Variants in ST6GAL1 observed in about 807,000 individuals in gnomAD.
ST6GAL1 encodes the protein ST6 beta-galactoside alpha-2,6-sialyltransferase 1.
ST6GAL1 carries 20 observed loss-of-function variants against 38.0 expected under a neutral mutation model. The ratio of observed to expected loss-of-function variants is 0.53; its 90% CI spans 0.37 to 0.77. The LOEUF (loss-of-function observed/expected upper bound fraction) is 0.77, where lower values mean the gene tolerates loss of function less well. ST6GAL1 is among the 30% of genes least tolerant of loss of function. ST6GAL1 has a pLI of 0.00. For missense variants in ST6GAL1, 432 were observed against 496.4 expected (o/e 0.87, Z 1.23); for synonymous variants, 196 against 188.2 (o/e 1.04, Z -0.34).
At position 187,076,690 on chromosome 3, in the gene ST6GAL1, A is replaced by C. The variant is rs368517219; in HGVS notation, c.*887A>C. 91 of 397,458 alleles carry C rather than the reference A, an allele frequency of 2.3e-4. 1 individual carries two copies. The South Asian group carries it at 0.012, about 54-fold the overall frequency. 24.6% of individuals were successfully genotyped at this position (397,458 alleles called of 1,614,324 possible). A position where few individuals can be genotyped will look rare whatever the true frequency, so the allele number is the denominator to read the frequency against. On this transcript the variant is annotated 3_prime_UTR_variant, in exon 8 of 8. Coordinates refer to ENST00000169298, the MANE Select transcript of ST6GAL1 (RefSeq NM_173216.2). ...TTAGAGGAAGAGAAGAAACATGGCAAGCAGATTACATCTGAGCCGTTTGAA... is the reference window on the plus strand; with the variant it reads ...TTAGAGGAAGAGAAGAAACATGGCACGCAGATTACATCTGAGCCGTTTGAA...
intron 2 of ST6GAL1, among the ~76,000 whole-genome samples, chr3:187,023,315 C>T (rs907412633): frequency 2.6e-5 from 4 of 152,180 alleles, no homozygotes; most frequent in Admixed American, 1.3e-4. Flanking sequence ...TATCTCCTTG[C>T]AAAGCACCAC....
chr3:187,039,487 G>A (rs529265557), intron 3 of ST6GAL1, among the ~76,000 whole-genome samples: 129 of 152,196 alleles, frequency 8.5e-4, no homozygotes, highest in Non-Finnish European at 1.6e-3. Context: ...AAGGGGAGCA[G>A]GGATAGTGCG....
At chr3:187,028,392 G>A (rs1340030499) in intron 2 of ST6GAL1, among the ~76,000 whole-genome samples, 1 of 152,114 alleles carries the variant, frequency 6.6e-6, no homozygotes, top group Admixed American at 6.5e-5. Context: ...CACTGTCTAA[G>A]AAGAAAGGAG....
chr3:186,988,589 T>A (rs1012548654), intron 2 of ST6GAL1, among the ~76,000 whole-genome samples: 1 of 6,288 alleles, frequency 1.6e-4, no homozygotes, highest in Non-Finnish European at 3.2e-4. Flanking sequence ...TGGGGGCGGG[T>A]GGTGGTGGGG....
chr3:186,930,588 A>C lies in ST6GAL1; in HGVS notation c.-571A>C, dbSNP rs61750882. 4,942 of 152,490 alleles carry C rather than the reference A, an allele frequency of 0.032. 115 individuals carry two copies. The highest frequency in any genetic ancestry group is 0.051 in the Non-Finnish European group (3,493 of 68,238). The allele number at this position is 152,490 out of a possible 1,614,324, so 9.4% of individuals were successfully genotyped here. ...CGTCTTCTGTCCCCCGTTCTTCCCC[A>C]GCGGACCCCTCTTTCGAGACTCCCT... On this transcript the variant is annotated 5_prime_UTR_variant, in exon 1 of 8. Coordinates refer to ENST00000169298, the MANE Select transcript of ST6GAL1 (RefSeq NM_173216.2).
chr3:187,071,776 CA>C (rs11330261), intron 5 of ST6GAL1, among the ~76,000 whole-genome samples: 22,151 of 72,316 alleles, frequency 0.31, 1,520 homozygotes, highest in Non-Finnish European at 0.37. Context: ...GACTCCGCCT[CA>C]AAAAAAAAAA....
At chr3:186,984,052 G>GCTCTTCCTTTGTCTC (rs1715780616) in intron 2 of ST6GAL1, among the ~76,000 whole-genome samples, 1 of 152,136 alleles carries the variant, frequency 6.6e-6, no homozygotes, top group Non-Finnish European at 1.5e-5. Flanking sequence ...CCCCAGGTCT[G>GCTCTTCCTTTGTCTC]CTCTTCCTTT....
chr3:187,068,530 G>T (rs1168969869), intron 5 of ST6GAL1, among the ~76,000 whole-genome samples: 1 of 152,148 alleles, frequency 6.6e-6, no homozygotes, highest in Non-Finnish European at 1.5e-5. Flanking sequence ...CTGAGTTGAG[G>T]TATGACAGTA....
intron 2 of ST6GAL1, among the ~76,000 whole-genome samples, chr3:186,969,944 C>A (rs1456260458): frequency 6.6e-6 from 1 of 152,186 alleles, no homozygotes; most frequent in Non-Finnish European, 1.5e-5. Context: ...TCCCAGTTTT[C>A]TTACTGGCTG....
intron 7 of ST6GAL1, 25 bp downstream of exon 7, chr3:187,074,358 C>T: frequency 6.6e-7 from 1 of 1,522,604 alleles, no homozygotes. Context: ...GGGAAAAGAC[C>T]TTGCATGTTT....
At chr3:186,941,991 G>A (rs939896887) in intron 1 of ST6GAL1, among the ~76,000 whole-genome samples, 2 of 150,514 alleles carry the variant, frequency 1.3e-5, no homozygotes, top group Admixed American at 6.6e-5. Context: ...CATCCTAGGC[G>A]ACAGAGCAAG....
intron 2 of ST6GAL1, among the ~76,000 whole-genome samples, chr3:186,993,404 GTTCT>G (rs1560154544): frequency 2.0e-5 from 3 of 152,186 alleles, no homozygotes. Flanking sequence ...GTCTTGTCCT[GTTCT>G]CTCAAGCGTG....
chr3:186,974,727 G>GGT (rs1553820231), intron 2 of ST6GAL1, among the ~76,000 whole-genome samples: 2 of 23,066 alleles, frequency 8.7e-5, no homozygotes, highest in African/African-American at 1.7e-4. Flanking sequence ...GAGCCTGGTT[G>GGT]GGGGGGGGGC....
chr3:186,937,196 T>C (rs35762167), intron 1 of ST6GAL1, among the ~76,000 whole-genome samples: 93,758 of 151,746 alleles, frequency 0.62, 29,038 homozygotes, highest in African/African-American at 0.67. Flanking sequence ...ATGGTTAACA[T>C]TGCATTAAAG....
chr3:186,965,977 CAA>C (rs1190134566), intron 2 of ST6GAL1, among the ~76,000 whole-genome samples: 2 of 152,332 alleles, frequency 1.3e-5, no homozygotes, highest in East Asian at 3.9e-4. Flanking sequence ...CAGCTCACTG[CAA>C]CCTCCGCCTC....
At chr3:187,005,761 C>G (rs1716766723) in intron 2 of ST6GAL1, among the ~76,000 whole-genome samples, 1 of 152,092 alleles carries the variant, frequency 6.6e-6, no homozygotes, top group African/African-American at 2.4e-5. Flanking sequence ...TTGAAAAACA[C>G]TGGTGTATCG....
chr3:186,998,341 A>G (rs1716489390), intron 2 of ST6GAL1, among the ~76,000 whole-genome samples: 1 of 152,230 alleles, frequency 6.6e-6, no homozygotes, highest in South Asian at 2.1e-4. Flanking sequence ...ACTGATGAAC[A>G]CATATTTTAT....
chr3:186,969,587 A>T (rs1715280311), intron 2 of ST6GAL1, among the ~76,000 whole-genome samples: 1 of 152,206 alleles, frequency 6.6e-6, no homozygotes, highest in South Asian at 2.1e-4. Flanking sequence ...CCTTTATTGG[A>T]TATGCTTTGC....
chr3:187,048,150 A>G (rs577287471), intron 4 of ST6GAL1, among the ~76,000 whole-genome samples: 14 of 152,100 alleles, frequency 9.2e-5, no homozygotes, highest in Middle Eastern at 6.8e-3. Flanking sequence ...TCACTGTGTT[A>G]GCCAGGATGG....
Sources: gnomAD v4.1 joint callset for allele counts (sites outside exome capture counted in the v4.1 genomes callset) on GRCh38, gnomAD v4.1.1 for gene constraint, MANE v1.5 for transcripts, NCBI Gene and HGNC (gene_info 2026-07-23, HGNC 2026-07-21) for gene names.